The following LMO7 variants were observed in gnomAD, a reference collection of about 807,000 sequenced individuals.
LMO7 encodes LIM domain 7.
Under a neutral mutation model 206.5 loss-of-function variants are expected in LMO7, and 120 were observed. That is an observed-to-expected ratio of 0.58 (90% CI 0.50 to 0.68). LMO7 has a LOEUF of 0.68. Ranked by LOEUF, LMO7 falls within the 30% of genes least tolerant of loss-of-function variation. The probability of loss-of-function intolerance (pLI) is 0.00; values close to 1 mark genes in which losing one functional copy is unlikely to be tolerated. For synonymous variants in LMO7, 706 were observed against 681.5 expected (o/e 1.04, Z -0.56); for missense variants, 1,959 against 1,957.9 (o/e 1.00, Z -0.01).
chr13:75,715,284 G>C (rs1401375779), intron 2 of LMO7, among the ~76,000 whole-genome samples: 1 of 152,180 alleles, frequency 6.6e-6, no homozygotes, highest in African/African-American at 2.4e-5. Flanking sequence ...CAGAGTTGAT[G>C]AAAAACTATT....
intron 11 of LMO7, among the ~76,000 whole-genome samples, chr13:75,811,219 T>C (rs1206903164): frequency 1.3e-5 from 2 of 150,348 alleles, no homozygotes; most frequent in African/African-American, 4.9e-5. Context: ...TTTTTTTTTT[T>C]TTTTTTTAAG....
upstream of LMO7, chr13:75,636,065 TGCGGGCGC>T (rs2035785169): frequency 6.5e-6 from 1 of 153,952 alleles, no homozygotes; most frequent in African/African-American, 2.4e-5. Flanking sequence ...GCGGGAAGGA[TGCGGGCGC>T]GGGGGCGCAT....
At chr13:75,772,774 A>G (rs75167978) in intron 4 of LMO7, among the ~76,000 whole-genome samples, 104 of 152,208 alleles carry the variant, frequency 6.8e-4, no homozygotes, top group Non-Finnish European at 1.0e-3. Context: ...TAATTTTTAG[A>G]AGCTATGGGT....
At chr13:75,843,781 G>A (rs1279587016) in intron 25 of LMO7, among the ~76,000 whole-genome samples, 2 of 152,146 alleles carry the variant, frequency 1.3e-5, no homozygotes, top group Non-Finnish European at 2.9e-5. Flanking sequence ...AATATTGAGG[G>A]TAGGGCCATT....
chr13:75,672,608 G>T (rs1389739373), intron 1 of LMO7, among the ~76,000 whole-genome samples: 2 of 152,112 alleles, frequency 1.3e-5, no homozygotes, highest in South Asian at 2.1e-4. Flanking sequence ...ACTGGGCACA[G>T]GTTGTTTTGC....
chr13:75,823,723 G>A lies in LMO7; in HGVS notation c.2799G>A (p.Arg933=), dbSNP rs1263465484. The change falls in exon 15 of 31, where the codon AGG becomes AGA. Residue 933 remains arginine (R), a synonymous_variant. Transcript: ENST00000377534. ...EVAATEEDVT[R]LPSPTSPFSS... ...CAGCAACAGAAGAAGATGTGACAAG[G>A]CTGCCCTCTCCTACATCCCCCTTCT... 5.6e-6 allele frequency: 9 copies of A among 1,613,946 alleles called. No homozygotes were observed. The highest frequency in any genetic ancestry group is 7.6e-6 in the Non-Finnish European group (9 of 1,179,998).
At chr13:75,651,664 C>A (rs575913786) in intron 1 of LMO7, among the ~76,000 whole-genome samples, 15 of 152,274 alleles carry the variant, frequency 9.9e-5, no homozygotes, top group African/African-American at 3.6e-4. Flanking sequence ...CATATCTGTA[C>A]TTGTACTTCG....
intron 26 of LMO7, among the ~76,000 whole-genome samples, chr13:75,847,167 T>C (rs905668855): frequency 6.6e-6 from 1 of 152,060 alleles, no homozygotes; most frequent in Admixed American, 6.5e-5. Context: ...AACCAAGGCA[T>C]AGACAAACAA....
chr13:75,747,308 T>C (rs1416160481), intron 3 of LMO7, among the ~76,000 whole-genome samples: 1 of 152,160 alleles, frequency 6.6e-6, no homozygotes, highest in African/African-American at 2.4e-5. Flanking sequence ...TCTTCTAAAT[T>C]TGACTAGCCC....
intron 1 of LMO7, among the ~76,000 whole-genome samples, chr13:75,642,338 C>T (rs1193030231): frequency 6.6e-6 from 1 of 150,624 alleles, no homozygotes; most frequent in Non-Finnish European, 1.5e-5. Flanking sequence ...GACATGGTGG[C>T]TCATGCCTGT....
At chr13:75,680,733 T>A (rs1566303603) in intron 1 of LMO7, among the ~76,000 whole-genome samples, 1 of 151,670 alleles carries the variant, frequency 6.6e-6, no homozygotes, top group Non-Finnish European at 1.5e-5. Flanking sequence ...CCCCAACCCC[T>A]TGACAGGCCC....
intron 1 of LMO7, among the ~76,000 whole-genome samples, chr13:75,681,197 T>C (rs1006606659): frequency 6.6e-6 from 1 of 152,206 alleles, no homozygotes; most frequent in African/African-American, 2.4e-5. Context: ...TTACTTTTGT[T>C]GCAATTGCTT....
chr13:75,822,762 C>CTATATATATATATATA (rs66789925), intron 14 of LMO7, among the ~76,000 whole-genome samples: 27 of 108,438 alleles, frequency 2.5e-4, no homozygotes, highest in East Asian at 1.1e-3. Flanking sequence ...TTTTTAGAAA[C>CTATATATATATATATA]TATATATATA....
chr13:75,743,949 A>T (rs1049640486), intron 3 of LMO7, among the ~76,000 whole-genome samples: 3 of 152,196 alleles, frequency 2.0e-5, no homozygotes, highest in Non-Finnish European at 4.4e-5. Flanking sequence ...TGGAACTTCT[A>T]TGGATCACCA....
chr13:75,632,030 G>A (rs769569380), upstream of LMO7: 2 of 152,142 alleles, frequency 1.3e-5, no homozygotes, highest in African/African-American at 4.8e-5. Context: ...CCCATCAAGA[G>A]TTCATCAGTA....
rs2061115696 is a variant in LMO7 at position 75,858,202 on chromosome 13, A to G, written c.*259A>G. 2.7e-6 allele frequency: 1 copy of G among 370,076 alleles called. No homozygotes were observed. Among genetic ancestry groups the G allele is most frequent in the Non-Finnish European group, 4.8e-6 (1 of 207,332 alleles). 22.9% of individuals were successfully genotyped at this position (370,076 alleles called of 1,614,324 possible). A position where few individuals can be genotyped will look rare whatever the true frequency, so the allele number is the denominator to read the frequency against. ...ATTCAGCATCTTGAGAGCACAAGGGAAAAAATAAGAACCTACGAATATTTT... is the reference window on the plus strand; with the variant it reads ...ATTCAGCATCTTGAGAGCACAAGGGGAAAAATAAGAACCTACGAATATTTT... On this transcript the variant is annotated 3_prime_UTR_variant, in exon 31 of 31. Transcript: ENST00000377534.
At position 75,834,285 on chromosome 13, in the gene LMO7, AC is replaced by A; in HGVS notation, c.3126del (p.Lys1043SerfsTer23). 6.2e-7 allele frequency: 1 copy of A among 1,611,370 alleles called. No homozygotes were observed. Among genetic ancestry groups the A allele is most frequent in the Non-Finnish European group, 8.5e-7 (1 of 1,178,514 alleles). On this transcript the variant is annotated frameshift_variant, in exon 17 of 31. Coordinates refer to ENST00000377534, the MANE Select transcript of LMO7 (RefSeq NM_001306080.2). LOFTEE classifies it high-confidence loss of function. The part of the protein sequence containing the change: ...VDDEIIAINN[T>X]KFSYNDSKEW... ...TGATGAAATTATTGCTATTAACAAC[AC>A]CAAGTTTTCATATAACGATTCAAAA...
At chr13:75,697,254 T>A (rs1167287199) in intron 1 of LMO7, among the ~76,000 whole-genome samples, 2 of 152,196 alleles carry the variant, frequency 1.3e-5, no homozygotes, top group African/African-American at 4.8e-5. Flanking sequence ...ACGGGTGGTG[T>A]ATTAGTCCAT....
At chr13:75,818,808 T>C (rs922967338) in intron 12 of LMO7, among the ~76,000 whole-genome samples, 59 of 152,214 alleles carry the variant, frequency 3.9e-4, no homozygotes, top group Non-Finnish European at 3.2e-4. Flanking sequence ...CATGCAATCC[T>C]GTCACACTTG....
Sources: allele counts gnomAD v4.1 joint callset (sites outside exome capture counted in the v4.1 genomes callset), GRCh38; gene constraint gnomAD v4.1.1; transcripts MANE v1.5; gene names NCBI Gene and HGNC (gene_info 2026-07-23, HGNC 2026-07-21).